The following PPP2R2B variants were observed in gnomAD, a reference collection of about 807,000 sequenced individuals.
PPP2R2B encodes protein phosphatase 2 regulatory subunit Bbeta.
In PPP2R2B, 5 loss-of-function variants were observed where a neutral mutation model predicts 46.0. That is an observed-to-expected ratio of 0.11 (90% CI 0.06 to 0.23). PPP2R2B has a LOEUF of 0.23. Ranked by LOEUF, PPP2R2B falls within the 10% of genes least tolerant of loss-of-function variation. The pLI, the probability that PPP2R2B is intolerant of heterozygous loss-of-function variation, is 1.00. For missense variants in PPP2R2B, 367 were observed against 575.0 expected (o/e 0.64, Z 3.70); for synonymous variants, 215 against 206.7 (o/e 1.04, Z -0.34).
At position 146,859,307 on chromosome 5, in the gene PPP2R2B, A is replaced by G. The variant is rs376319923; in HGVS notation, c.70+18695T>C. Among the ~76,000 whole-genome samples, 79 of 152,364 alleles carry G rather than the reference A, an allele frequency of 5.2e-4. No homozygotes were observed. The South Asian group carries it at 0.016, about 31-fold the overall frequency. On this transcript the variant is annotated intron_variant, in intron 2 of 9. Transcript: ENST00000394411. ...AAACCCCTCCCACAAGTATAAGATG[A>G]CATTACTATTTTACATAACTCCTTC... is the stretch of plus-strand genomic sequence containing the variant.
rs1329066872 is a variant in PPP2R2B, at chr5:146,582,622, T to A, written c.*7325A>T. The A allele has an allele frequency of 6.6e-6, 1 of 152,260 alleles. No homozygotes were observed. Among genetic ancestry groups the A allele is most frequent in the East Asian group, 1.9e-4 (1 of 5,206 alleles). The allele number at this position is 152,260 out of a possible 1,614,324, so 9.4% of individuals were successfully genotyped here. Reference sequence around the variant, plus strand: ...TCCCAATGGCATGCCGCTCATCTTATAAGCTTCCTGTGGGCAAGTGCTGTG... The same window carrying A: ...TCCCAATGGCATGCCGCTCATCTTAAAAGCTTCCTGTGGGCAAGTGCTGTG... On this transcript the variant is annotated 3_prime_UTR_variant, in exon 10 of 10. Transcript: ENST00000394411.
intron 2 of PPP2R2B, among the ~76,000 whole-genome samples, chr5:146,850,923 C>G (rs766128913): frequency 6.6e-6 from 1 of 152,038 alleles, no homozygotes; most frequent in Admixed American, 6.6e-5. Flanking sequence ...TAAAGACTTT[C>G]TAGAATATTA....
intron 1 of PPP2R2B, among the ~76,000 whole-genome samples, chr5:147,045,734 G>A (rs765855319): frequency 2.6e-5 from 4 of 152,072 alleles, no homozygotes; most frequent in Non-Finnish European, 4.4e-5. Flanking sequence ...TTACAGAGAC[G>A]TACAGGGTCA....
intron 1 of PPP2R2B, among the ~76,000 whole-genome samples, chr5:146,920,265 C>T (rs1038409915): frequency 2.0e-5 from 3 of 151,928 alleles, no homozygotes; most frequent in Admixed American, 2.0e-4. Context: ...CATAGTTGCT[C>T]CCGTAATAAC....
Position 146,691,202 on chromosome 5 carries a change from T to C in PPP2R2B, c.373A>G (p.Lys125Glu). The C allele has an allele frequency of 6.2e-7, 1 of 1,614,132 alleles. No homozygotes were observed. The highest frequency in any genetic ancestry group is 8.5e-7 in the Non-Finnish European group (1 of 1,180,020). The change falls in exon 5 of 10, where the codon AAG becomes GAG. Residue 125 changes from lysine to glutamate, a missense_variant. Lys to Glu is a moderately conservative substitution (Grantham distance 56). Around this residue, in one of 2 missense-constraint regions of PPP2R2B, gnomAD observed 361 missense variants for 545.5 expected, o/e 0.66. Transcript: ENST00000394411. ...TTCAGATTGTAGCCTTCTGGCCTCTTATCACGCTCGCTGACTTTCCACAGC... is the reference window on the plus strand; with the variant it reads ...TTCAGATTGTAGCCTTCTGGCCTCTCATCACGCTCGCTGACTTTCCACAGC... ...VKLWKVSERD[K>E]RPEGYNLKDE...
intron 2 of PPP2R2B, among the ~76,000 whole-genome samples, chr5:146,844,206 G>A (rs1356161406): frequency 1.6e-5 from 2 of 122,464 alleles, no homozygotes; most frequent in Non-Finnish European, 3.3e-5. Context: ...ACTGTGGTGG[G>A]GTCGGGGGAG....
intron 2 of PPP2R2B, among the ~76,000 whole-genome samples, chr5:147,076,937 A>C (rs1235545144): frequency 6.6e-6 from 1 of 151,906 alleles, no homozygotes; most frequent in Non-Finnish European, 1.5e-5. Flanking sequence ...CTATAGAATA[A>C]TTTGACATGT....
chr5:146,786,961 G>A (rs984789632), intron 2 of PPP2R2B, among the ~76,000 whole-genome samples: 35 of 152,146 alleles, frequency 2.3e-4, no homozygotes, highest in African/African-American at 8.4e-4. Flanking sequence ...TAAGGCTTTA[G>A]GGTTTATCTT....
At chr5:146,731,843 C>CT (rs965753812) in intron 2 of PPP2R2B, among the ~76,000 whole-genome samples, 6 of 151,630 alleles carry the variant, frequency 4.0e-5, no homozygotes, top group Non-Finnish European at 7.4e-5. Context: ...GTCCATTGAA[C>CT]TTTTTTTTTG....
At chr5:146,752,401 C>T (rs574035007) in intron 2 of PPP2R2B, among the ~76,000 whole-genome samples, 1 of 152,254 alleles carries the variant, frequency 6.6e-6, no homozygotes, top group African/African-American at 2.4e-5. Context: ...CCCTGACCAC[C>T]CCTCATCCTA....
intron 2 of PPP2R2B, among the ~76,000 whole-genome samples, chr5:146,728,967 T>C (rs1454549489): frequency 6.6e-6 from 1 of 152,156 alleles, no homozygotes; most frequent in Non-Finnish European, 1.5e-5. Context: ...GCTGAAGAGA[T>C]ACCCCAAAAT....
chr5:146,749,754 A>G (rs1166039901), intron 2 of PPP2R2B, among the ~76,000 whole-genome samples: 1 of 151,306 alleles, frequency 6.6e-6, no homozygotes, highest in Non-Finnish European at 1.5e-5. Context: ...GCCTGCCACC[A>G]TGCCCGGCTA....
At chr5:146,982,284 T>C (rs1753214273) in intron 1 of PPP2R2B, among the ~76,000 whole-genome samples, 3 of 152,222 alleles carry the variant, frequency 2.0e-5, no homozygotes, top group South Asian at 4.1e-4. Flanking sequence ...TTCCATTTCA[T>C]ATATTTATTT....
chr5:146,865,802 C>T (rs1172493900), intron 2 of PPP2R2B, among the ~76,000 whole-genome samples: 1 of 152,168 alleles, frequency 6.6e-6, no homozygotes, highest in East Asian at 1.9e-4. Flanking sequence ...TGCCTCCTAA[C>T]ATCACACAAG....
At chr5:147,003,064 C>T (rs1253978986) in intron 1 of PPP2R2B, among the ~76,000 whole-genome samples, 1 of 152,122 alleles carries the variant, frequency 6.6e-6, no homozygotes, top group East Asian at 1.9e-4. Context: ...CTATACGATC[C>T]TGCAGGTTGA....
Position 146,812,828 on chromosome 5 carries a change from T to TATATAC in PPP2R2B, c.70+65173_70+65174insGTATAT, listed in dbSNP as rs1367189583. Among the ~76,000 whole-genome samples the TATATAC allele has an allele frequency of 5.0e-5, 4 of 79,650 alleles. 1 individual carries two copies. Among genetic ancestry groups the TATATAC allele is most frequent in the Admixed American group, 2.9e-4 (2 of 6,968 alleles). 52.3% of individuals were successfully genotyped at this position (79,650 alleles called of 152,430 possible). A position where few individuals can be genotyped will look rare whatever the true frequency, so the allele number is the denominator to read the frequency against. On this transcript the variant is annotated intron_variant, in intron 2 of 9. Coordinates refer to ENST00000394411, the MANE Select transcript of PPP2R2B (RefSeq NM_181675.4). ...ATATATATATATATATATATATATA[T>TATATAC]ACACACACATTTCCATTATAAAACC...
In PPP2R2B at chr5:146,923,076, A is replaced by G. The variant is rs562299089; in HGVS notation, c.79+132589T>C. Among the ~76,000 whole-genome samples, 8 of 152,334 alleles carry G rather than the reference A, an allele frequency of 5.3e-5. 1 individual carries two copies. Among genetic ancestry groups the G allele is most frequent in the Middle Eastern group, 3.4e-3 (1 of 294 alleles). On this transcript the variant is annotated intron_variant, in intron 1 of 8. Coordinates refer to the PPP2R2B transcript ENST00000336640. The stretch of plus-strand genomic sequence containing the variant: ...GAGCCATGTAATCAAGCCTTGCTCC[A>G]AAGCTTTGACAGCTCCAGGTTTTTC...
chr5:147,041,697 AG>A (rs1052241130), intron 1 of PPP2R2B, among the ~76,000 whole-genome samples: 1 of 152,106 alleles, frequency 6.6e-6, no homozygotes, highest in Admixed American at 6.5e-5. Context: ...TCAGAGCTTT[AG>A]GGGGGCTGTA....
intron 1 of PPP2R2B, among the ~76,000 whole-genome samples, chr5:146,911,485 G>C (rs1461084727): frequency 3.3e-5 from 5 of 152,170 alleles, no homozygotes; most frequent in African/African-American, 1.2e-4. Flanking sequence ...AGTTCCAAGA[G>C]AGCAGAGACC....
Sources: gnomAD v4.1 joint callset for allele counts (sites outside exome capture counted in the v4.1 genomes callset) on GRCh38, gnomAD v4.1.1 for gene constraint, gnomAD v4.1.1 regional missense constraint, MANE v1.5 for transcripts, NCBI Gene and HGNC (gene_info 2026-07-23, HGNC 2026-07-21) for gene names.